The following TTLL11 variants were observed in gnomAD, a reference collection of about 807,000 sequenced individuals.
TTLL11 encodes the protein tubulin tyrosine ligase like 11, also known as tubulin polyglutamylase TTLL11.
Under a neutral mutation model 51.7 loss-of-function variants are expected in TTLL11, and 42 were observed. That is an observed-to-expected ratio of 0.81 (90% CI 0.64 to 1.05). The LOEUF is 1.05. Among genes scored for constraint, TTLL11 ranks in the 50% least tolerant of loss-of-function variants. The pLI is 0.00. For missense variants in TTLL11, 799 were observed against 940.4 expected, an observed-to-expected ratio of 0.85 and a Z score of 1.97; for synonymous variants, 381 against 383.5, an observed-to-expected ratio of 0.99 and a Z score of 0.08.
chr9:122,082,501 C>CAAA (rs35349693), intron 1 of TTLL11, among the ~76,000 whole-genome samples: 4,031 of 84,362 alleles, frequency 0.048, 202 homozygotes, highest in Admixed American at 0.12. Context: ...GACTCTGTCT[C>CAAA]AAAAAAAAAA....
At chr9:121,960,364 C>T (rs946940539) in intron 6 of TTLL11, among the ~76,000 whole-genome samples, 13 of 152,128 alleles carry the variant, frequency 8.5e-5, no homozygotes, top group African/African-American at 3.1e-4. Context: ...AGGTTGATTC[C>T]AGCTTAGAGC....
At chr9:121,840,704 A>T (rs114599975) in intron 8 of TTLL11, among the ~76,000 whole-genome samples, 1,829 of 152,276 alleles carry the variant, frequency 0.012, 39 homozygotes, top group African/African-American at 0.042. Flanking sequence ...CTGATCATAC[A>T]GTTTCAATGA....
intron 6 of TTLL11, among the ~76,000 whole-genome samples, chr9:121,944,107 A>C (rs1841583389): frequency 6.6e-6 from 1 of 152,244 alleles, no homozygotes; most frequent in Non-Finnish European, 1.5e-5. Flanking sequence ...CAAAATGATA[A>C]AAATAGCATA....
intron 6 of TTLL11, among the ~76,000 whole-genome samples, chr9:121,970,526 A>G (rs746287053): frequency 3.9e-5 from 6 of 152,234 alleles, no homozygotes; most frequent in Admixed American, 1.3e-4. Context: ...TGTGTCTCAA[A>G]AAGTGGGCGA....
rs1178679071 is a variant in TTLL11 at position 121,890,228 on chromosome 9, C to T, written c.1482-19480G>A. Among the ~76,000 whole-genome samples the T allele has an allele frequency of 1.3e-5, 2 of 152,140 alleles. No homozygotes were observed. The highest frequency in any genetic ancestry group is 2.4e-5 in the African/African-American group (1 of 41,422). Reference sequence around the variant, plus strand: ...ATCCATCCAGTGTCTGGGCCAGAAACCAGAGAGAAGAGATTCATTCTCCCT... The same window carrying T: ...ATCCATCCAGTGTCTGGGCCAGAAATCAGAGAGAAGAGATTCATTCTCCCT... On this transcript the variant is annotated intron_variant, in intron 6 of 8. Coordinates refer to ENST00000321582, the MANE Select transcript of TTLL11 (RefSeq NM_001139442.2). The surrounding 1 kb of genome is among the most constrained non-coding windows in gnomAD (Gnocchi z 4.3).
At chr9:122,064,625 C>CA (rs1442102914) in intron 1 of TTLL11, among the ~76,000 whole-genome samples, 1 of 152,086 alleles carries the variant, frequency 6.6e-6, no homozygotes, top group East Asian at 1.9e-4. Context: ...CAATAATAAA[C>CA]AATAGAGCCA....
chr9:121,823,818 C>T (rs761569155), intron 8 of TTLL11, among the ~76,000 whole-genome samples: 30 of 152,300 alleles, frequency 2.0e-4, no homozygotes, highest in Non-Finnish European at 2.9e-4. Context: ...GTCATCCCTA[C>T]GACACCCCTG....
At chr9:122,017,352 T>C (rs1844017711) in intron 3 of TTLL11, among the ~76,000 whole-genome samples, 1 of 152,054 alleles carries the variant, frequency 6.6e-6, no homozygotes, top group African/African-American at 2.4e-5. Flanking sequence ...GAGATATCTA[T>C]CCAAAGGAGA....
At position 121,899,227 on chromosome 9, in the gene TTLL11, T is replaced by C. The variant is rs147717618; in HGVS notation, c.1482-28479A>G. On this transcript the variant is annotated intron_variant, in intron 6 of 8. Transcript: ENST00000321582. The stretch of plus-strand genomic sequence containing the variant: ...TTCCTCCCTCAGCTTGCTCCCTCTA[T>C]CCTCTGCGTGTTTACTCAACACCGC... Among the ~76,000 whole-genome samples the C allele has an allele frequency of 3.0e-3, 462 of 152,100 alleles. 3 individuals are homozygous for C. The highest frequency in any genetic ancestry group is 0.011 in the African/African-American group (444 of 41,482).
intron 4 of TTLL11, among the ~76,000 whole-genome samples, chr9:121,983,008 G>C (rs548402773): frequency 6.6e-6 from 1 of 152,306 alleles, no homozygotes; most frequent in South Asian, 2.1e-4. Context: ...GCTACAGTGA[G>C]AAAAATAGGC....
intron 6 of TTLL11, among the ~76,000 whole-genome samples, chr9:121,956,016 A>C (rs1424356199): frequency 6.6e-6 from 1 of 152,240 alleles, no homozygotes; most frequent in Non-Finnish European, 1.5e-5. Context: ...TAAAATCTGC[A>C]TCCTGATATG....
chr9:122,006,210 G>A (rs938954463), intron 3 of TTLL11, among the ~76,000 whole-genome samples: 4 of 151,888 alleles, frequency 2.6e-5, no homozygotes, highest in African/African-American at 7.3e-5. Flanking sequence ...GCATGGTGGC[G>A]GGTGCCTGAA....
intron 1 of TTLL11, among the ~76,000 whole-genome samples, chr9:122,070,819 C>A (rs1479133938): frequency 1.3e-5 from 2 of 152,140 alleles, no homozygotes; most frequent in African/African-American, 2.4e-5. Context: ...TTCCTACCTT[C>A]GGGCGGTGTA....
At chr9:122,001,376 T>G (rs1843460431) in intron 3 of TTLL11, among the ~76,000 whole-genome samples, 1 of 152,084 alleles carries the variant, frequency 6.6e-6, no homozygotes, top group South Asian at 2.1e-4. Flanking sequence ...GATTACAGGC[T>G]TCCAGGCGTG....
chr9:121,959,849 A>G (rs1342859359), intron 6 of TTLL11, among the ~76,000 whole-genome samples: 2 of 151,940 alleles, frequency 1.3e-5, no homozygotes, highest in African/African-American at 2.4e-5. Flanking sequence ...CCATCTCTTG[A>G]CACCGTCCCT....
At chr9:121,980,522 A>G (rs1420723823) in intron 4 of TTLL11, among the ~76,000 whole-genome samples, 1 of 152,110 alleles carries the variant, frequency 6.6e-6, no homozygotes, top group Non-Finnish European at 1.5e-5. Context: ...CTACCTTCCC[A>G]CCCACCTCAC....
chr9:121,972,396 C>T (rs1377596169), intron 6 of TTLL11, among the ~76,000 whole-genome samples: 8 of 152,194 alleles, frequency 5.3e-5, no homozygotes, highest in Non-Finnish European at 1.2e-4. Flanking sequence ...CAGACACATA[C>T]GTACTGGTGA....
intron 3 of TTLL11, among the ~76,000 whole-genome samples, chr9:122,031,194 T>C (rs1290072791): frequency 6.6e-6 from 1 of 152,206 alleles, no homozygotes; most frequent in South Asian, 2.1e-4. Context: ...AGGGCTCCAG[T>C]GTATTACATG....
intron 3 of TTLL11, among the ~76,000 whole-genome samples, chr9:122,012,059 A>T (rs1238441824): frequency 6.6e-6 from 1 of 152,248 alleles, no homozygotes; most frequent in African/African-American, 2.4e-5. Context: ...GCCTTTCATT[A>T]GAACCCCTCC....
Sources: allele counts gnomAD v4.1 joint callset (sites outside exome capture counted in the v4.1 genomes callset), GRCh38; gene constraint gnomAD v4.1.1; non-coding constraint Gnocchi (gnomAD v3.1); transcripts MANE v1.5; gene names NCBI Gene and HGNC (gene_info 2026-07-23, HGNC 2026-07-21).